The following PLD5 variants were observed in gnomAD, a reference collection of about 807,000 sequenced individuals.
The protein encoded by PLD5 is phospholipase D family member 5.
Under a neutral mutation model 61.1 loss-of-function variants are expected in PLD5, and 36 were observed. The observed-to-expected ratio is 0.59, with a 90% confidence interval of 0.45 to 0.78. The LOEUF (loss-of-function observed/expected upper bound fraction) is 0.78, where lower values mean the gene tolerates loss of function less well. Among genes scored for constraint, PLD5 ranks in the 30% least tolerant of loss-of-function variants. The probability of loss-of-function intolerance (pLI) is 0.00; values close to 1 mark genes in which losing one functional copy is unlikely to be tolerated. For missense variants in PLD5, 515 were observed against 644.4 expected (o/e 0.80, Z 2.17); for synonymous variants, 243 against 242.8 (o/e 1.00, Z -0.01).
intron 1 of PLD5, among the ~76,000 whole-genome samples, chr1:242,450,141 G>T (rs541388737): frequency 2.0e-5 from 3 of 152,144 alleles, no homozygotes; most frequent in Non-Finnish European, 4.4e-5. Context: ...CTTTGGCCAC[G>T]TTTTATCGTT....
intron 9 of PLD5, among the ~76,000 whole-genome samples, chr1:242,096,160 G>A (rs951732723): frequency 6.6e-5 from 10 of 151,826 alleles, no homozygotes; most frequent in Middle Eastern, 3.4e-3. Flanking sequence ...GGGTTTCACC[G>A]TGTTAGCCAG....
At chr1:242,525,703 A>G (rs1418589622), upstream of PLD5, among the ~76,000 whole-genome samples, 1 of 152,196 alleles carries the variant, frequency 6.6e-6, no homozygotes, top group Non-Finnish European at 1.5e-5. Flanking sequence ...GCCAAGGGTA[A>G]ACTGAAGGCT....
chr1:242,377,209 C>T, intron 1 of PLD5: 3 of 1,611,574 alleles, frequency 1.9e-6, no homozygotes, highest in Non-Finnish European at 2.5e-6. Context: ...AGGCCACACT[C>T]CCGGCACTGG....
At chr1:242,365,733 C>A in intron 1 of PLD5, 2 of 210,318 alleles carry the variant, frequency 9.5e-6, no homozygotes, top group South Asian at 8.6e-5. Flanking sequence ...ACCTGACTGT[C>A]AACTTCCTGG....
chr1:242,122,554 A>G (rs1662466279), intron 6 of PLD5, among the ~76,000 whole-genome samples: 1 of 152,206 alleles, frequency 6.6e-6, no homozygotes, highest in Non-Finnish European at 1.5e-5. Context: ...TCCACAAATT[A>G]GGAATACTCC....
chr1:242,161,098 C>A (rs1470956263), intron 5 of PLD5, among the ~76,000 whole-genome samples: 1 of 151,860 alleles, frequency 6.6e-6, no homozygotes. Flanking sequence ...TAATTTTGTG[C>A]ATTCTAGGTA....
intron 6 of PLD5, among the ~76,000 whole-genome samples, chr1:242,122,426 T>G (rs1474537970): frequency 2.0e-5 from 3 of 152,194 alleles, no homozygotes; most frequent in Admixed American, 2.0e-4. Flanking sequence ...ATCTATTTTT[T>G]GCTATTTCCA....
At chr1:242,319,840 A>G (rs1454413538) in intron 2 of PLD5, among the ~76,000 whole-genome samples, 9 of 152,056 alleles carry the variant, frequency 5.9e-5, no homozygotes, top group Non-Finnish European at 1.5e-5. Context: ...CTATTCCTCT[A>G]CCCCCTCTCA....
chr1:242,096,013 C>G (rs903293944), intron 9 of PLD5, among the ~76,000 whole-genome samples: 4 of 152,040 alleles, frequency 2.6e-5, no homozygotes, highest in African/African-American at 7.2e-5. Flanking sequence ...GGCTGGAGTG[C>G]AGTGGCACCA....
At chr1:242,159,479 G>A (rs1665655977) in intron 5 of PLD5, among the ~76,000 whole-genome samples, 1 of 152,108 alleles carries the variant, frequency 6.6e-6, no homozygotes, top group African/African-American at 2.4e-5. Flanking sequence ...CTATGAATTT[G>A]TTATAGAAAA....
rs1326074761 is a variant in PLD5 at position 242,086,516 on chromosome 1, G to A, written c.*3338C>T. 2 of 152,132 alleles carry A rather than the reference G, an allele frequency of 1.3e-5. No homozygotes were observed. Among genetic ancestry groups the A allele is most frequent in the Non-Finnish European group, 2.9e-5 (2 of 68,056 alleles). The allele number at this position is 152,132 out of a possible 1,614,324, so 9.4% of individuals were successfully genotyped here. ...AGATTCAATTATTTGATAGGCTAGT[G>A]GCCAGTGACAATGCAGTGGAGGCCC... On this transcript the variant is annotated 3_prime_UTR_variant, in exon 10 of 10. Transcript: ENST00000536534.
At chr1:242,225,950 C>T (rs1400804175) in intron 4 of PLD5, among the ~76,000 whole-genome samples, 2 of 152,132 alleles carry the variant, frequency 1.3e-5, no homozygotes, top group African/African-American at 4.8e-5. Flanking sequence ...TAAGAAACTG[C>T]CAAACTGTTT....
intron 5 of PLD5, among the ~76,000 whole-genome samples, chr1:242,131,149 C>CA (rs1574357742): frequency 6.6e-6 from 1 of 151,942 alleles, no homozygotes; most frequent in African/African-American, 2.4e-5. Flanking sequence ...ACTAAAAATA[C>CA]AAAAAAATTA....
intron 1 of PLD5, among the ~76,000 whole-genome samples, chr1:242,450,114 T>C (rs1666722274): frequency 6.6e-6 from 1 of 152,194 alleles, no homozygotes; most frequent in Non-Finnish European, 1.5e-5. Flanking sequence ...ACCACGGGGC[T>C]CTTTGCTTTT....
chr1:242,355,446 A>G (rs185057234), intron 1 of PLD5, among the ~76,000 whole-genome samples: 172 of 152,218 alleles, frequency 1.1e-3, no homozygotes, highest in Non-Finnish European at 1.8e-3. Context: ...TTCTGTAGTT[A>G]TCAGTTGTAA....
intron 3 of PLD5, among the ~76,000 whole-genome samples, chr1:242,271,212 AG>A: frequency 3.8e-5 from 1 of 26,460 alleles, no homozygotes; most frequent in South Asian, 1.2e-3. Context: ...AGAGAGAGAG[AG>A]AGAGAGAGAG....
At chr1:242,450,279 A>G (rs1666728737) in intron 1 of PLD5, among the ~76,000 whole-genome samples, 1 of 152,212 alleles carries the variant, frequency 6.6e-6, no homozygotes, top group East Asian at 1.9e-4. Context: ...TTGATTGCCA[A>G]ATTGTTTACT....
At chr1:242,194,614 C>A (rs61848041) in intron 5 of PLD5, among the ~76,000 whole-genome samples, 1 of 62,604 alleles carries the variant, frequency 1.6e-5, no homozygotes, top group African/African-American at 6.1e-5. Flanking sequence ...ATGTATCTAT[C>A]TATGTATCTA....
intron 5 of PLD5, among the ~76,000 whole-genome samples, chr1:242,218,913 G>T (rs12128134): frequency 0.3 from 46,185 of 151,974 alleles, 7,298 homozygotes; most frequent in East Asian, 0.53. Flanking sequence ...CTTTACATGC[G>T]TAGAAAAATG....
Sources: gnomAD v4.1 joint callset for allele counts (sites outside exome capture counted in the v4.1 genomes callset) on GRCh38, gnomAD v4.1.1 for gene constraint, MANE v1.5 for transcripts, NCBI Gene and HGNC (gene_info 2026-07-23, HGNC 2026-07-21) for gene names.